Variants in COL9A1 observed in about 807,000 individuals in gnomAD.
COL9A1 encodes the protein collagen alpha-1(IX) chain.
COL9A1 carries 104 observed loss-of-function variants against 142.6 expected under a neutral mutation model. The ratio of observed to expected loss-of-function variants is 0.73; its 90% CI spans 0.62 to 0.86. The LOEUF is 0.86. COL9A1 is among the 40% of genes least tolerant of loss of function. The pLI is 0.00. For synonymous variants in COL9A1, 466 were observed against 396.0 expected (o/e 1.18, Z -2.10); for missense variants, 1,210 against 1,176.6 (o/e 1.03, Z -0.42).
chr6:70,280,550 C>G, intron 10 of COL9A1: 14 of 1,393,822 alleles, frequency 1.0e-5, no homozygotes, highest in Non-Finnish European at 1.3e-5. Context: ...CGGTTAGAGA[C>G]AGGAAGCCAG....
At chr6:70,224,524 C>T (rs558421141) in intron 37 of COL9A1, among the ~76,000 whole-genome samples, 6 of 152,202 alleles carry the variant, frequency 3.9e-5, no homozygotes, top group South Asian at 4.2e-4. Context: ...AACTGTTAAG[C>T]GATTTGTCAA....
intron 35 of COL9A1, among the ~76,000 whole-genome samples, chr6:70,233,467 G>T (rs1769688660): frequency 6.6e-6 from 1 of 152,102 alleles, no homozygotes; most frequent in Non-Finnish European, 1.5e-5. Flanking sequence ...CCCACTAAAG[G>T]CATGGCCTAC....
intron 24 of COL9A1, 86 bp from the exon 25 acceptor site, chr6:70,254,615 G>A: frequency 2.5e-6 from 3 of 1,184,938 alleles, no homozygotes; most frequent in South Asian, 2.4e-5. Context: ...GACGTTTTAA[G>A]TAAAAGGATT....
In COL9A1 at chr6:70,284,408, A is replaced by T. The variant is rs180793990; in HGVS notation, c.697-588T>A. Among the ~76,000 whole-genome samples, 239 of 152,342 alleles carry T rather than the reference A, an allele frequency of 1.6e-3. 1 individual carries two copies. The highest frequency in any genetic ancestry group is 5.6e-3 in the African/African-American group (232 of 41,578). ...TAAAATGGAAATGTAAGGACTGAAG[A>T]TGAAGGCAGTGAGAAGGAAATATAA... On this transcript the variant is annotated intron_variant, in intron 5 of 37. Transcript: ENST00000357250.
At chr6:70,253,008 C>A (rs1771048993) in intron 26 of COL9A1, among the ~76,000 whole-genome samples, 1 of 147,246 alleles carries the variant, frequency 6.8e-6, no homozygotes, top group Admixed American at 6.7e-5. Context: ...ACTGGTCGAT[C>A]AGTATGTGAA....
chr6:70,230,787 G>A (rs1769491404), intron 36 of COL9A1, among the ~76,000 whole-genome samples: 1 of 152,180 alleles, frequency 6.6e-6, no homozygotes, highest in Non-Finnish European at 1.5e-5. Flanking sequence ...CAGAATCTCT[G>A]AGAATGGGAT....
intron 17 of COL9A1, 113 bp from the exon 18 acceptor site, chr6:70,266,883 G>A: frequency 1.2e-6 from 1 of 861,842 alleles, no homozygotes; most frequent in Non-Finnish European, 2.0e-6. Flanking sequence ...TAAGAAATGA[G>A]TTATGTCACA....
intron 36 of COL9A1, among the ~76,000 whole-genome samples, chr6:70,226,229 C>T (rs141650202): frequency 3.3e-5 from 5 of 152,202 alleles, no homozygotes; most frequent in South Asian, 2.1e-4. Context: ...ACTGGAATGA[C>T]ATTTGACAAA....
Position 70,266,740 on chromosome 6 carries a change from C to T in COL9A1, c.1318G>A (p.Glu440Lys). The stretch of plus-strand genomic sequence containing the variant: ...ACCTTGTGTCCTTGTCTTCCTGGTT[C>T]ACCAATTTCTCCTTTAGCCCCTTTA... ...GHKGAKGEIG[E>K]PGRQGHKGEE... Residue 440 changes from glutamate to lysine, a missense_variant, in exon 18 of 38, where the codon GAA (glutamate) becomes AAA (lysine). Glu to Lys is a moderately conservative substitution (Grantham distance 56). Coordinates refer to ENST00000357250, the MANE Select transcript of COL9A1 (RefSeq NM_001851.6). 1 of 1,613,402 alleles carries T rather than the reference C, an allele frequency of 6.2e-7. No homozygotes were observed. The highest frequency in any genetic ancestry group is 8.5e-7 in the Non-Finnish European group (1 of 1,179,452).
intron 7 of COL9A1, 56 bp downstream of exon 7, chr6:70,282,828 TCGACCGCTGCGCCC>T (rs1773248937): frequency 5.6e-6 from 9 of 1,611,536 alleles, no homozygotes; most frequent in Non-Finnish European, 7.6e-6. Context: ...CACAGCTCCC[TCGACCGCTGCGCCC>T]CGACCTGTCC....
chr6:70,248,004 C>A (rs555745172), intron 28 of COL9A1, among the ~76,000 whole-genome samples: 4 of 152,298 alleles, frequency 2.6e-5, no homozygotes, highest in African/African-American at 9.6e-5. Flanking sequence ...CTTCTGTACA[C>A]AAGGAACGTA....
At chr6:70,265,684 A>C (rs1295290096) in intron 18 of COL9A1, among the ~76,000 whole-genome samples, 1 of 151,986 alleles carries the variant, frequency 6.6e-6, no homozygotes, top group East Asian at 1.9e-4. Context: ...GACATTAGGA[A>C]CCCAGCTGTT....
At chr6:70,240,251 C>A (rs988653630) in intron 32 of COL9A1, among the ~76,000 whole-genome samples, 6 of 152,142 alleles carry the variant, frequency 3.9e-5, no homozygotes, top group Non-Finnish European at 7.4e-5. Flanking sequence ...AAAGAGATTA[C>A]CCTTGGTCAG....
At chr6:70,224,292 C>G (rs898350278) in intron 37 of COL9A1, among the ~76,000 whole-genome samples, 8 of 152,152 alleles carry the variant, frequency 5.3e-5, no homozygotes, top group Non-Finnish European at 7.4e-5. Context: ...TTTGCGCCCC[C>G]CATCAACTTG....
chr6:70,235,524 A>C (rs892691060), intron 33 of COL9A1, among the ~76,000 whole-genome samples: 1 of 152,178 alleles, frequency 6.6e-6, no homozygotes, highest in Non-Finnish European at 1.5e-5. Flanking sequence ...TTATTGGAAT[A>C]CTACATTTTT....
At chr6:70,256,872 A>T in intron 20 of COL9A1, 51 bp from the exon 21 acceptor site, 1 of 1,545,108 alleles carries the variant, frequency 6.5e-7, no homozygotes, top group Non-Finnish European at 8.9e-7. Context: ...CATGTATGTT[A>T]AAGGAAGCAT....
chr6:70,242,269 G>A (rs1770308224), intron 29 of COL9A1: 1 of 593,946 alleles, frequency 1.7e-6, no homozygotes, highest in Non-Finnish European at 3.0e-6. Context: ...GCACTCCTTG[G>A]CAACAGTAGG....
intron 26 of COL9A1, 171 bp downstream of exon 26, chr6:70,253,214 G>T (rs1468114252): frequency 3.8e-6 from 2 of 530,920 alleles, no homozygotes; most frequent in African/African-American, 3.8e-5. Context: ...TATGCTTTCT[G>T]TAGCTAGGAA....
At chr6:70,281,553 G>A in intron 7 of COL9A1, 89 bp from the exon 8 acceptor site, 1 of 1,014,982 alleles carries the variant, frequency 9.9e-7, no homozygotes, top group Non-Finnish European at 1.4e-6. Context: ...CGCCTCCGTG[G>A]GGTAAAAGTT....
Sources: allele counts gnomAD v4.1 joint callset (sites outside exome capture counted in the v4.1 genomes callset), GRCh38; gene constraint gnomAD v4.1.1; transcripts MANE v1.5; gene names NCBI Gene and HGNC (gene_info 2026-07-23, HGNC 2026-07-21).